The following HTT variants were observed in gnomAD, a reference collection of about 807,000 sequenced individuals.
The protein encoded by HTT is huntingtin.
In HTT, 104 loss-of-function variants were observed where a neutral mutation model predicts 362.3. The observed-to-expected ratio is 0.29, with a 90% CI of 0.24 to 0.34. The LOEUF is 0.34. Among genes scored for constraint, HTT ranks in the 10% least tolerant of loss-of-function variants. The pLI is 1.00. For synonymous variants in HTT, 1,577 were observed against 1,548.7 expected (o/e 1.02, Z -0.43); for missense variants, 3,301 against 3,928.6 (o/e 0.84, Z 4.27).
intron 5 of HTT, among the ~76,000 whole-genome samples, chr4:3,106,321 A>T (rs1384392541): frequency 6.6e-6 from 1 of 152,152 alleles, no homozygotes; most frequent in African/African-American, 2.4e-5. Context: ...GCACCACTGC[A>T]CTCCAGCCTG....
At position 3,218,794 on chromosome 4, in the gene HTT, TC is replaced by T. The variant is rs998600710; in HGVS notation, c.7242+844del. ...GCTGAAATAAGATGATGGGGCCTGT[TC>T]CTTAGGGCCTGCAGCATCCTCAGGC... On this transcript the variant is annotated intron_variant, in intron 52 of 66. Transcript: ENST00000355072. This position sits in a 1 kb window ranked among gnomAD's most constrained non-coding sequence, Gnocchi z 4.4. Among the ~76,000 whole-genome samples, 4 of 152,182 alleles carry T rather than the reference TC, an allele frequency of 2.6e-5. No individual in the cohort carries two copies. The highest frequency in any genetic ancestry group is 6.5e-5 in the Admixed American group (1 of 15,284).
intron 22 of HTT, 66 bp downstream of exon 22, chr4:3,140,722 G>A (rs1716303870): frequency 4.8e-6 from 7 of 1,456,272 alleles, no homozygotes; most frequent in Non-Finnish European, 6.6e-6. Context: ...CTTTCTTTAG[G>A]CTTTAATTGA....
chr4:3,140,140 A>T (rs963699057), intron 21 of HTT, among the ~76,000 whole-genome samples: 1 of 152,116 alleles, frequency 6.6e-6, no homozygotes. Flanking sequence ...AGGCGCCTGT[A>T]ATCCCAGCTA....
chr4:3,155,897 CAAAAAAA>C (rs544532624), intron 27 of HTT, among the ~76,000 whole-genome samples: 1 of 84,608 alleles, frequency 1.2e-5, no homozygotes, highest in East Asian at 3.5e-4. Flanking sequence ...GACTCCGTCT[CAAAAAAA>C]AAAAAAAAAG....
chr4:3,087,028 T>G lies in HTT; in HGVS notation c.347+6T>G. 1 of 1,532,898 alleles carries G rather than the reference T, an allele frequency of 6.5e-7. No homozygotes were observed. The highest frequency in any genetic ancestry group is 1.1e-5 in the South Asian group (1 of 88,940). 95.0% of individuals were successfully genotyped at this position (1,532,898 alleles called of 1,614,324 possible). ...ATAGTGGCACAGTCTGTCAGGTAAT[T>G]GCACTTTGAACTGTCTAGAGAAAAT... On this transcript the variant is annotated splice_donor_region_variant and intron_variant, in intron 2 of 66. Transcript: ENST00000355072.
At chr4:3,186,021 A>C (rs1326243945) in intron 37 of HTT, among the ~76,000 whole-genome samples, 1 of 152,220 alleles carries the variant, frequency 6.6e-6, no homozygotes, top group Non-Finnish European at 1.5e-5. Flanking sequence ...TCTCCATTGC[A>C]CTGGGTTAAG....
chr4:3,083,582 CACACATAT>C (rs764874833), intron 1 of HTT, among the ~76,000 whole-genome samples: 6 of 126,228 alleles, frequency 4.8e-5, no homozygotes, highest in African/African-American at 1.2e-4. Context: ...CACACACACA[CACACATAT>C]ATATGTATAT....
intron 47 of HTT, among the ~76,000 whole-genome samples, chr4:3,211,384 A>G (rs535847567): frequency 2.4e-3 from 360 of 152,328 alleles, no homozygotes; most frequent in Non-Finnish European, 3.5e-3. Flanking sequence ...TGAGTATTAA[A>G]CTAAGATAGA....
chr4:3,136,785 G>A (rs924857666), intron 21 of HTT, among the ~76,000 whole-genome samples: 6 of 151,930 alleles, frequency 3.9e-5, no homozygotes, highest in Non-Finnish European at 8.8e-5. Flanking sequence ...GTTATGGGTC[G>A]TTGTTTTGCT....
In HTT at chr4:3,172,299, G is replaced by A. The variant is rs754611818; in HGVS notation, c.3865-21G>A. The stretch of plus-strand genomic sequence containing the variant: ...ACGGGTCATCTCTGAGTCGCTTAAT[G>A]TCTCACTTGTCTTTCTACAGTGTGT... On this transcript the variant is annotated intron_variant, in intron 29 of 66. Coordinates refer to ENST00000355072, the MANE Select transcript of HTT (RefSeq NM_001388492.1). 6.2e-5 allele frequency: 84 copies of A among 1,364,858 alleles called. 1 individual carries two copies. The Admixed American group carries it at 1.4e-3, about 23-fold the overall frequency. The allele number at this position is 1,364,858 out of a possible 1,614,324, so 84.5% of individuals were successfully genotyped here. A position where few individuals can be genotyped will look rare whatever the true frequency, so the allele number is the denominator to read the frequency against.
intron 29 of HTT, among the ~76,000 whole-genome samples, chr4:3,167,960 C>G (rs1414588708): frequency 1.3e-5 from 2 of 152,184 alleles, no homozygotes; most frequent in Non-Finnish European, 2.9e-5. Context: ...CCCATTTTAG[C>G]TTTCTCGCAT....
At chr4:3,212,873 C>A in intron 49 of HTT, 164 bp downstream of exon 49, 1 of 721,208 alleles carries the variant, frequency 1.4e-6, no homozygotes, top group Non-Finnish European at 2.3e-6. Context: ...GTTATTGTAG[C>A]CATCCTTCAC....
At chr4:3,200,044 T>A (rs1719460348) in intron 41 of HTT, 105 bp downstream of exon 41, 1 of 912,838 alleles carries the variant, frequency 1.1e-6, no homozygotes, top group Non-Finnish European at 1.7e-6. Context: ...TCATTTTCCA[T>A]TTTTTGTGAG....
intron 5 of HTT, 92 bp downstream of exon 5, chr4:3,105,528 C>T: frequency 1.2e-6 from 1 of 860,442 alleles, no homozygotes; most frequent in Middle Eastern, 2.3e-4. Context: ...CAAAAGTCTG[C>T]TCTGCCCTCT....
chr4:3,240,055 G>A lies in HTT; in HGVS notation c.9425G>A (p.Cys3142Tyr), dbSNP rs1241292852. 1 of 1,583,688 alleles carries A rather than the reference G, an allele frequency of 6.3e-7. No individual in the cohort carries two copies. The highest frequency in any genetic ancestry group is 1.2e-5 in the South Asian group (1 of 86,716). ...CGAAATGTCCACAAGGTCACCACCT[G>A]CTGAGCGCCATGGTGGGAGAGACTG... ...CLRNVHKVTT[C>Y] Residue 3142 changes from cysteine (C) to tyrosine (Y), a missense_variant, in exon 67 of 67, where the codon TGC (cysteine) becomes TAC (tyrosine). Around this residue, in one of 4 missense-constraint regions of HTT, gnomAD observed 753 missense variants for 1,021.3 expected, o/e 0.74. Transcript: ENST00000355072.
intron 20 of HTT, 28 bp downstream of exon 20, chr4:3,135,995 G>A: frequency 5.3e-6 from 8 of 1,510,298 alleles, no homozygotes; most frequent in Non-Finnish European, 7.2e-6. Flanking sequence ...GTGAGATGCT[G>A]TTTTACCTTC....
intron 2 of HTT, among the ~76,000 whole-genome samples, chr4:3,097,617 G>A (rs1578495474): frequency 6.6e-6 from 1 of 152,156 alleles, no homozygotes; most frequent in Non-Finnish European, 1.5e-5. Context: ...GGGTGACAGA[G>A]CAAGACTCCA....
In HTT at chr4:3,187,872, A is replaced by G. The variant is rs377275039; in HGVS notation, c.5211A>G (p.Glu1737=). 19 of 1,608,480 alleles carry G rather than the reference A, an allele frequency of 1.2e-5. No homozygotes were observed. Among genetic ancestry groups the G allele is most frequent in the Middle Eastern group, 3.3e-4 (2 of 6,044 alleles). The change falls in exon 39 of 67, where the codon GAA becomes GAG. Residue 1737 remains glutamate, a synonymous_variant. Coordinates refer to ENST00000355072, the MANE Select transcript of HTT (RefSeq NM_001388492.1). ...SEGKQIKNLP[E]ETFSRFLLQL... Reference sequence around the variant, plus strand: ...GGAAACAAATAAAGAATTTGCCAGAAGAAACATTTTCAAGGTATGCTTTCT... The same window carrying G: ...GGAAACAAATAAAGAATTTGCCAGAGGAAACATTTTCAAGGTATGCTTTCT...
chr4:3,213,922 C>G lies in HTT; in HGVS notation c.6775-36C>G, dbSNP rs1244666994. On this transcript the variant is annotated intron_variant, in intron 49 of 66. Transcript: ENST00000355072. ...CACGGCTTCCCCAAACGAAGGTACA[C>G]GAGTGGGCATTCTGTGACTCGGTAC... The G allele has an allele frequency of 2.0e-6, 3 of 1,481,810 alleles. No individual in the cohort carries two copies. In the African/African-American group the frequency reaches 4.2e-5, roughly 21 times the overall value. The allele number at this position is 1,481,810 out of a possible 1,614,324, so 91.8% of individuals were successfully genotyped here. A position where few individuals can be genotyped will look rare whatever the true frequency, so the allele number is the denominator to read the frequency against.
Sources: gnomAD v4.1 joint callset for allele counts (sites outside exome capture counted in the v4.1 genomes callset) on GRCh38, gnomAD v4.1.1 for gene constraint, gnomAD v4.1.1 regional missense constraint, Gnocchi (gnomAD v3.1) non-coding constraint, MANE v1.5 for transcripts, NCBI Gene and HGNC (gene_info 2026-07-23, HGNC 2026-07-21) for gene names.